Variants in IQGAP2 observed in about 807,000 individuals in gnomAD.
IQGAP2 encodes the protein ras GTPase-activating-like protein IQGAP2.
IQGAP2 carries 173 observed loss-of-function variants against 201.3 expected under a neutral mutation model. The ratio of observed to expected loss-of-function variants is 0.86; its 90% CI spans 0.76 to 0.98. IQGAP2 has a LOEUF of 0.98. IQGAP2 is among the 50% of genes least tolerant of loss of function. The pLI is 0.00. For synonymous variants in IQGAP2, 675 were observed against 673.9 expected (o/e 1.00, Z -0.03); for missense variants, 1,687 against 1,864.8 (o/e 0.90, Z 1.76).
intron 2 of IQGAP2, among the ~76,000 whole-genome samples, chr5:76,556,918 A>G (rs1010214370): frequency 7.9e-5 from 12 of 152,200 alleles, no homozygotes; most frequent in African/African-American, 2.2e-4. Context: ...CAGCACTACA[A>G]GGGGAAACCT....
intron 2 of IQGAP2, among the ~76,000 whole-genome samples, chr5:76,497,928 G>A (rs764929079): frequency 3.9e-5 from 6 of 152,172 alleles, no homozygotes; most frequent in Non-Finnish European, 8.8e-5. Flanking sequence ...TTGAAGTGGG[G>A]AGAGGTTGGT....
chr5:76,668,900 G>T (rs1744040951), intron 23 of IQGAP2, 56 bp downstream of exon 23: 2 of 1,121,902 alleles, frequency 1.8e-6, no homozygotes, highest in Non-Finnish European at 2.5e-6. Flanking sequence ...TTTGTTAGTG[G>T]TGGCTGTCTT....
chr5:76,519,629 G>A lies in IQGAP2; in HGVS notation c.147-42767G>A, dbSNP rs141732192. 1.7e-3 allele frequency among the ~76,000 whole-genome samples: 262 copies of A among 152,254 alleles called. 2 individuals are homozygous for A. The highest frequency in any genetic ancestry group is 0.013 in the South Asian group (65 of 4,828). On this transcript the variant is annotated intron_variant, in intron 2 of 35. Transcript: ENST00000274364. Reference sequence around the variant, plus strand: ...GAACAAACCATTTTCCAGGATGGCCGTGCCATTTTGCATTCGTGCCAGCAA... The same window carrying A: ...GAACAAACCATTTTCCAGGATGGCCATGCCATTTTGCATTCGTGCCAGCAA...
At chr5:76,638,112 C>T (rs185215497) in intron 16 of IQGAP2, among the ~76,000 whole-genome samples, 2 of 152,278 alleles carry the variant, frequency 1.3e-5, no homozygotes, top group African/African-American at 2.4e-5. Flanking sequence ...ACTATTAGGA[C>T]ATTTGTTAGT....
At chr5:76,502,870 G>A (rs1013746623) in intron 2 of IQGAP2, among the ~76,000 whole-genome samples, 1 of 151,778 alleles carries the variant, frequency 6.6e-6, no homozygotes, top group African/African-American at 2.4e-5. Flanking sequence ...CAAGTAGCTG[G>A]GACTATAGGC....
chr5:76,466,528 A>G (rs146171536), intron 2 of IQGAP2, among the ~76,000 whole-genome samples: 121 of 152,316 alleles, frequency 7.9e-4, no homozygotes, highest in Non-Finnish European at 7.9e-4. Context: ...TAGATTTGAG[A>G]GTCTAGAAAT....
At chr5:76,671,689 G>GA (rs34357630) in intron 23 of IQGAP2, 70 bp from the exon 24 acceptor site, 16,386 of 807,778 alleles carry the variant, frequency 0.02, 8 homozygotes, top group East Asian at 0.024. Flanking sequence ...CTGTCTCGGG[G>GA]AAAAAAAAAA....
intron 13 of IQGAP2, among the ~76,000 whole-genome samples, chr5:76,620,833 T>C (rs908389022): frequency 2.0e-5 from 3 of 152,190 alleles, no homozygotes; most frequent in Non-Finnish European, 2.9e-5. Flanking sequence ...CTTTAAAAGA[T>C]AGAAACACAT....
intron 2 of IQGAP2, among the ~76,000 whole-genome samples, chr5:76,541,314 C>A (rs1742757402): frequency 6.6e-6 from 1 of 152,120 alleles, no homozygotes; most frequent in East Asian, 1.9e-4. Flanking sequence ...GACTTTTTAA[C>A]TTAGTGTCAT....
intron 7 of IQGAP2, 51 bp downstream of exon 7, chr5:76,589,779 C>T (rs376754107): frequency 9.9e-6 from 9 of 910,440 alleles, no homozygotes; most frequent in Non-Finnish European, 1.3e-5. Flanking sequence ...CTTACCTGTA[C>T]TTTACCTATT....
chr5:76,640,778 C>A (rs1751510815), intron 16 of IQGAP2, among the ~76,000 whole-genome samples, 155 bp from the exon 17 acceptor site: 1 of 152,196 alleles, frequency 6.6e-6, no homozygotes, highest in Admixed American at 6.5e-5. Context: ...GAAGTTAAGC[C>A]AGTTTCATCC....
intron 1 of IQGAP2, among the ~76,000 whole-genome samples, chr5:76,413,914 A>C (rs1277890455): frequency 6.6e-6 from 1 of 152,168 alleles, no homozygotes; most frequent in African/African-American, 2.4e-5. Flanking sequence ...GGGAGTTTAG[A>C]AGGGAGGTGA....
At chr5:76,612,987 G>A (rs545624637) in intron 13 of IQGAP2, among the ~76,000 whole-genome samples, 23 of 152,306 alleles carry the variant, frequency 1.5e-4, no homozygotes, top group Middle Eastern at 3.4e-3. Context: ...ATTGAAGGTG[G>A]AGAAATGTAT....
rs192306401 is a variant in IQGAP2, at chr5:76,618,064, C to A, written c.1521+6881C>A. 2.9e-5 allele frequency: 47 copies of A among 1,614,082 alleles called. No homozygotes were observed. The African/African-American group carries it at 5.2e-4, about 18-fold the overall frequency. ...AAGAAAACTGTTGCCCACACCAGTCCACATGTTACCAAGGCATAGGTGTGC... is the reference window on the plus strand; with the variant it reads ...AAGAAAACTGTTGCCCACACCAGTCAACATGTTACCAAGGCATAGGTGTGC... On this transcript the variant is annotated intron_variant, in intron 13 of 35. Transcript: ENST00000274364.
chr5:76,693,701 T>A, intron 31 of IQGAP2: 1 of 314,442 alleles, frequency 3.2e-6, no homozygotes, highest in East Asian at 5.7e-5. Context: ...GTTCTGGGTT[T>A]TTCAAAGCCC....
At chr5:76,689,535 T>C (rs1181176568) in intron 30 of IQGAP2, among the ~76,000 whole-genome samples, 2 of 152,180 alleles carry the variant, frequency 1.3e-5, no homozygotes, top group African/African-American at 4.8e-5. Context: ...TTAATTAAGC[T>C]TAGTTTCCCA....
At chr5:76,642,989 A>T (rs1018819264) in intron 17 of IQGAP2, among the ~76,000 whole-genome samples, 3 of 152,208 alleles carry the variant, frequency 2.0e-5, no homozygotes, top group African/African-American at 7.2e-5. Flanking sequence ...GAGCAGTTAG[A>T]AGTCCCCGAT....
Position 76,494,158 on chromosome 5 carries a change from C to G in IQGAP2, c.146+32489C>G, listed in dbSNP as rs180975934. Among the ~76,000 whole-genome samples the G allele has an allele frequency of 7.4e-4, 112 of 152,114 alleles. 1 individual carries two copies. Among genetic ancestry groups the G allele is most frequent in the Admixed American group, 3.1e-3 (48 of 15,270 alleles). On this transcript the variant is annotated intron_variant, in intron 2 of 35. Transcript: ENST00000274364. Reference sequence around the variant, plus strand: ...TGGTTGAATCCACAGATGCAGAACCCACAGATACGAAGGGCCAGGTGTATA... The same window carrying G: ...TGGTTGAATCCACAGATGCAGAACCGACAGATACGAAGGGCCAGGTGTATA...
chr5:76,674,475 A>G lies in IQGAP2; in HGVS notation c.3295-2A>G, dbSNP rs1744632097. On this transcript the variant is annotated splice_acceptor_variant, in intron 26 of 35. Transcript: ENST00000274364. LOFTEE classifies it high-confidence loss of function. ...TGGTCATGCACTTCTGCGTCACTCC[A>G]GATTGTTGGAAACCTCCTGTACTAT... The G allele has an allele frequency of 6.2e-7, 1 of 1,601,556 alleles. No individual in the cohort carries two copies. The highest frequency in any genetic ancestry group is 1.7e-4 in the Middle Eastern group (1 of 6,020).
Sources: allele counts gnomAD v4.1 joint callset (sites outside exome capture counted in the v4.1 genomes callset), GRCh38; gene constraint gnomAD v4.1.1; transcripts MANE v1.5; gene names NCBI Gene and HGNC (gene_info 2026-07-23, HGNC 2026-07-21).